BICC1: variants seen among roughly 807,000 people sequenced by gnomAD.
The protein encoded by BICC1 is protein bicaudal C homolog 1.
A neutral mutation model predicts 111.0 loss-of-function variants in BICC1; 43 were observed. That is an observed-to-expected ratio of 0.39 (90% CI 0.30 to 0.50). BICC1 has a LOEUF of 0.50. Among genes scored for constraint, BICC1 ranks in the 20% least tolerant of loss-of-function variants. BICC1 has a pLI of 0.88. For missense variants in BICC1, 1,091 were observed against 1,203.2 expected, an observed-to-expected ratio of 0.91 and a Z score of 1.38; for synonymous variants, 467 against 434.4, an observed-to-expected ratio of 1.07 and a Z score of -0.93.
intron 18 of BICC1, among the ~76,000 whole-genome samples, chr10:58,816,422 T>C (rs1421071895): frequency 6.6e-6 from 1 of 152,138 alleles, no homozygotes; most frequent in Admixed American, 6.5e-5. Flanking sequence ...CAGCTATCCT[T>C]AAGAGAAAAA....
At chr10:58,576,484 G>A (rs1038261139) in intron 1 of BICC1, among the ~76,000 whole-genome samples, 1 of 152,134 alleles carries the variant, frequency 6.6e-6, no homozygotes, top group African/African-American at 2.4e-5. Flanking sequence ...GTACAAGCAA[G>A]GATCGCACTT....
Position 58,620,883 on chromosome 10 carries a change from G to A in BICC1, c.219G>A (p.Gly73=). 6.2e-7 allele frequency: 1 copy of A among 1,613,356 alleles called. No individual in the cohort carries two copies. Among genetic ancestry groups the A allele is most frequent in the Admixed American group, 1.7e-5 (1 of 59,946 alleles). The stretch of plus-strand genomic sequence containing the variant: ...CTGCTGAAGGGAAAGGCAGAAGTGG[G>A]GAAGACTTTTTTCAAAAGGTAAGTT... ...QAAAEGKGRS[G]EDFFQKIMEE... The change falls in exon 2 of 21, where the codon GGG becomes GGA. Residue 73 remains glycine, a synonymous_variant. Coordinates refer to ENST00000373886, the MANE Select transcript of BICC1 (RefSeq NM_001080512.3).
At chr10:58,526,943 A>C (rs537149497) in intron 1 of BICC1, among the ~76,000 whole-genome samples, 57 of 152,362 alleles carry the variant, frequency 3.7e-4, no homozygotes, top group African/African-American at 1.4e-3. Context: ...GTATATACCC[A>C]GTAATGGGAT....
At chr10:58,753,896 C>T (rs1842064364) in intron 3 of BICC1, among the ~76,000 whole-genome samples, 1 of 152,032 alleles carries the variant, frequency 6.6e-6, no homozygotes, top group Non-Finnish European at 1.5e-5. Context: ...TTTCTTCCCC[C>T]CCTTTACTTT....
chr10:58,735,179 A>T (rs1476193133), intron 3 of BICC1, among the ~76,000 whole-genome samples: 1 of 152,242 alleles, frequency 6.6e-6, no homozygotes, highest in Non-Finnish European at 1.5e-5. Flanking sequence ...CTATGATGTG[A>T]TAGACTGTTC....
chr10:58,744,919 A>G (rs1841785530), intron 3 of BICC1, among the ~76,000 whole-genome samples: 1 of 152,168 alleles, frequency 6.6e-6, no homozygotes, highest in African/African-American at 2.4e-5. Context: ...TTGATGGTCC[A>G]GAAGAAATGA....
intron 3 of BICC1, among the ~76,000 whole-genome samples, chr10:58,722,176 C>T (rs893091654): frequency 2.6e-5 from 4 of 152,108 alleles, no homozygotes; most frequent in South Asian, 2.1e-4. Flanking sequence ...TGAATCCATC[C>T]GGTTTCCATG....
At position 58,538,883 on chromosome 10, in the gene BICC1, A is replaced by G. The variant is rs192014838; in HGVS notation, c.190+25550A>G. On this transcript the variant is annotated intron_variant, in intron 1 of 20. Transcript: ENST00000373886. ...GCAAGTTAAAACGCAACAAGATACT[A>G]CTGTACCCCAGCCAGAATGACCATT... Among the ~76,000 whole-genome samples the G allele has an allele frequency of 1.2e-3, 180 of 151,918 alleles. 1 individual carries two copies. The highest frequency in any genetic ancestry group is 4.2e-3 in the African/African-American group (174 of 41,546).
At chr10:58,776,504 A>T (rs966583351) in intron 3 of BICC1, among the ~76,000 whole-genome samples, 1 of 152,132 alleles carries the variant, frequency 6.6e-6, no homozygotes, top group South Asian at 2.1e-4. Flanking sequence ...TTTCCTGGGG[A>T]TGCTTTATCC....
chr10:58,814,632 A>C (rs1265128167), intron 18 of BICC1, among the ~76,000 whole-genome samples: 4 of 151,494 alleles, frequency 2.6e-5, no homozygotes, highest in Non-Finnish European at 4.4e-5. Context: ...AAAAAAAAAA[A>C]AAAAAACAAG....
intron 3 of BICC1, among the ~76,000 whole-genome samples, chr10:58,759,784 C>A (rs1842254147): frequency 6.6e-6 from 1 of 151,800 alleles, no homozygotes; most frequent in Non-Finnish European, 1.5e-5. Context: ...ACGGTGAAAC[C>A]CCGTCTCTAC....
At chr10:58,718,393 T>C (rs753669350) in intron 3 of BICC1, among the ~76,000 whole-genome samples, 1 of 152,226 alleles carries the variant, frequency 6.6e-6, no homozygotes, top group Non-Finnish European at 1.5e-5. Flanking sequence ...TCTCCACCTC[T>C]TAATACTGTC....
At chr10:58,686,140 A>C (rs1043487926) in intron 2 of BICC1, among the ~76,000 whole-genome samples, 1 of 152,154 alleles carries the variant, frequency 6.6e-6, no homozygotes, top group Non-Finnish European at 1.5e-5. Context: ...GTTTGGCTGG[A>C]TATGAAATTC....
At position 58,828,829 on chromosome 10, in the gene BICC1, G is replaced by A. The variant is rs144457289; in HGVS notation, c.2863G>A (p.Ala955Thr). The change falls in exon 21 of 21, where the codon GCG becomes ACG. Residue 955 changes from alanine (A) to threonine (T), a missense_variant. Coordinates refer to ENST00000373886, the MANE Select transcript of BICC1 (RefSeq NM_001080512.3). ...NARTSFLEGGASGRLPRQYHS... is the reference protein window; with the variant it reads ...NARTSFLEGGTSGRLPRQYHS... ...ACGCACCTCTTTCCTGGAAGGTGGA[G>A]CGAGTGGAAGGCTACCCCGTCAGTA... 2 of 1,613,892 alleles carry A rather than the reference G, an allele frequency of 1.2e-6. No individual in the cohort carries two copies. Among genetic ancestry groups the A allele is most frequent in the African/African-American group, 1.3e-5 (1 of 74,916 alleles).
chr10:58,548,629 T>C (rs955269435), intron 1 of BICC1, among the ~76,000 whole-genome samples: 1 of 152,216 alleles, frequency 6.6e-6, no homozygotes, highest in Non-Finnish European at 1.5e-5. Context: ...GCTATATTTA[T>C]TCAACCCTCA....
chr10:58,553,335 G>A (rs954320390), intron 1 of BICC1, among the ~76,000 whole-genome samples: 1 of 152,192 alleles, frequency 6.6e-6, no homozygotes, highest in Admixed American at 6.6e-5. Context: ...AAAGGAGTTA[G>A]AGTCAGAGGA....
chr10:58,683,649 A>G (rs185435632), intron 2 of BICC1, among the ~76,000 whole-genome samples: 9 of 152,268 alleles, frequency 5.9e-5, no homozygotes, highest in African/African-American at 2.2e-4. Flanking sequence ...GCAATTGTGA[A>G]TAGGAGTTCA....
chr10:58,760,418 C>T (rs550162958), intron 3 of BICC1, among the ~76,000 whole-genome samples: 169 of 152,160 alleles, frequency 1.1e-3, no homozygotes, highest in Middle Eastern at 3.4e-3. Flanking sequence ...GGAATCCCAC[C>T]GTAATATATA....
intron 8 of BICC1, among the ~76,000 whole-genome samples, chr10:58,792,160 ACC>A (rs1843201578): frequency 6.6e-6 from 1 of 152,006 alleles, no homozygotes; most frequent in Non-Finnish European, 1.5e-5. Context: ...AAATTCCAGC[ACC>A]CAGTGGGCTA....
Sources: gnomAD v4.1 joint callset for allele counts (sites outside exome capture counted in the v4.1 genomes callset) on GRCh38, gnomAD v4.1.1 for gene constraint, MANE v1.5 for transcripts, NCBI Gene and HGNC (gene_info 2026-07-23, HGNC 2026-07-21) for gene names.